The following SLC43A2 variants were observed in gnomAD, a reference collection of about 807,000 sequenced individuals.
SLC43A2 encodes the protein solute carrier family 43 member 2.
Under a neutral mutation model 63.2 loss-of-function variants are expected in SLC43A2, and 38 were observed. The ratio of observed to expected loss-of-function variants is 0.60; its 90% confidence interval spans 0.46 to 0.79. The LOEUF (loss-of-function observed/expected upper bound fraction) is 0.79. Among genes scored for constraint, SLC43A2 ranks in the 30% least tolerant of loss-of-function variants. The probability of loss-of-function intolerance (pLI) is 0.00; values close to 1 mark genes in which losing one functional copy is unlikely to be tolerated. For missense variants in SLC43A2, 644 were observed against 756.2 expected (o/e 0.85, Z 1.74); for synonymous variants, 322 against 331.0 (o/e 0.97, Z 0.30).
At chr17:1,589,095 T>C (rs1245593172) in intron 9 of SLC43A2, among the ~76,000 whole-genome samples, 1 of 152,236 alleles carries the variant, frequency 6.6e-6, no homozygotes, top group Non-Finnish European at 1.5e-5. Context: ...CAGTGCCTCG[T>C]CTGCCACAGA....
chr17:1,600,152 A>ATATATATATTTTTTTTT (rs1216616243), intron 5 of SLC43A2, among the ~76,000 whole-genome samples: 1 of 60,272 alleles, frequency 1.7e-5, no homozygotes, highest in Non-Finnish European at 3.2e-5. Flanking sequence ...ATATATATAT[A>ATATATATATTTTTTTTT]TTTTTTTTTT....
At chr17:1,628,837 GC>G (rs1321016940), upstream of SLC43A2, 2 of 152,492 alleles carry the variant, frequency 1.3e-5, no homozygotes, top group Non-Finnish European at 2.9e-5. Context: ...CGCCTTTTCT[GC>G]CCTCTTTTAT....
Position 1,571,193 on chromosome 17 carries a change from T to C in SLC43A2, c.*4411A>G, listed in dbSNP as rs2075842290. The C allele has an allele frequency of 6.6e-6, 1 of 152,242 alleles. No homozygotes were observed. The highest frequency in any genetic ancestry group is 1.5e-5 in the Non-Finnish European group (1 of 68,056). 9.4% of individuals were successfully genotyped at this position (152,242 alleles called of 1,614,324 possible). On this transcript the variant is annotated 3_prime_UTR_variant, in exon 14 of 14. Coordinates refer to ENST00000301335, the MANE Select transcript of SLC43A2 (RefSeq NM_152346.3). The surrounding 1 kb of genome is among the most constrained non-coding windows in gnomAD (Gnocchi z 5.2). ...CAGGAGCTCTGTCCTCACCCAGGGA[T>C]TGGGGTGAGTCAGGGCATGGGGAAA...
chr17:1,579,149 AATAAT>A (rs1567608160), intron 11 of SLC43A2, among the ~76,000 whole-genome samples: 1 of 138,616 alleles, frequency 7.2e-6, no homozygotes, highest in Non-Finnish European at 1.6e-5. Flanking sequence ...AAAAAAAAAA[AATAAT>A]AATAATAATA....
intron 6 of SLC43A2, among the ~76,000 whole-genome samples, chr17:1,592,825 C>T (rs547482142): frequency 9.2e-5 from 14 of 152,194 alleles, no homozygotes; most frequent in South Asian, 8.3e-4. Context: ...CGGGGAGTAA[C>T]GGTACAATAA....
intron 2 of SLC43A2, among the ~76,000 whole-genome samples, chr17:1,619,806 C>G (rs960387617): frequency 6.6e-6 from 1 of 152,208 alleles, no homozygotes; most frequent in Non-Finnish European, 1.5e-5. Context: ...ACAGAGGTGA[C>G]AGAGAGGATG....
chr17:1,581,995 C>T (rs906200685), intron 11 of SLC43A2, among the ~76,000 whole-genome samples: 23 of 151,544 alleles, frequency 1.5e-4, no homozygotes, highest in Admixed American at 4.0e-4. Context: ...TTAGTAGAGA[C>T]GGGGTTTCAC....
In SLC43A2 at chr17:1,597,312, G is replaced by A. The variant is rs150630428; in HGVS notation, c.502-4033C>T. ...AAGATCAGGAGTTCAAGACCAGCCT[G>A]GCGAACATGGTGAAACCCCGTCCCT... On this transcript the variant is annotated intron_variant, in intron 5 of 13. Transcript: ENST00000301335. 4.2e-3 allele frequency among the ~76,000 whole-genome samples: 637 copies of A among 151,016 alleles called. 3 individuals are homozygous for A. Among genetic ancestry groups the A allele is most frequent in the African/African-American group, 0.015 (608 of 41,058 alleles).
chr17:1,599,092 T>C (rs1047248075), intron 5 of SLC43A2, among the ~76,000 whole-genome samples: 10 of 152,180 alleles, frequency 6.6e-5, no homozygotes, highest in African/African-American at 2.2e-4. Context: ...CTCACGCCTG[T>C]AATCGCAACA....
chr17:1,617,864 G>A (rs1340719741), intron 2 of SLC43A2, among the ~76,000 whole-genome samples: 2 of 152,212 alleles, frequency 1.3e-5, no homozygotes, highest in Non-Finnish European at 2.9e-5. Flanking sequence ...AAAGTGCTGT[G>A]GCAGCTGAAG....
intron 5 of SLC43A2, 22 bp downstream of exon 5, chr17:1,613,173 G>C (rs752746100): frequency 6.3e-7 from 1 of 1,594,206 alleles, no homozygotes; most frequent in East Asian, 2.2e-5. Flanking sequence ...GAACTACAGA[G>C]CTTTAAAAAA....
In SLC43A2 at chr17:1,585,932, C is replaced by T. The variant is rs137987228; in HGVS notation, c.1198G>A (p.Glu400Lys). The T allele has an allele frequency of 1.8e-4, 297 of 1,613,598 alleles. No individual in the cohort carries two copies. Among genetic ancestry groups the T allele is most frequent in the Non-Finnish European group, 2.3e-4 (268 of 1,180,020 alleles). The part of the protein sequence containing the change: ...KECEDASEEP[E>K]EKDANQGEKK... ...ACGCACTGGTTGGCGTCTTTCTCCT[C>T]GGGCTCCTCGGAGGCGTCTTCACAC... The change falls in exon 10 of 14, where the codon GAG (glutamate) becomes AAG (lysine). Residue 400 changes from glutamate to lysine, a missense_variant. Coordinates refer to ENST00000301335, the MANE Select transcript of SLC43A2 (RefSeq NM_152346.3).
In SLC43A2 at chr17:1,576,717, G is replaced by A. The variant is rs745745517; in HGVS notation, c.1428C>T (p.Tyr476=). 1 of 1,609,218 alleles carries A rather than the reference G, an allele frequency of 6.2e-7. No individual in the cohort carries two copies. The highest frequency in any genetic ancestry group is 8.5e-7 in the Non-Finnish European group (1 of 1,179,748). Residue 476 remains tyrosine (Y), a synonymous_variant, in exon 13 of 14, where the codon TAC becomes TAT. Transcript: ENST00000301335. ...SAVGGLYAAV[Y]PSTQFGSLTG... The stretch of plus-strand genomic sequence containing the variant: ...TGAGGCTGCCGAACTGGGTGGAGGG[G>A]TACCTGCAGGGCAAGCGACAGCTCA...
intron 2 of SLC43A2, among the ~76,000 whole-genome samples, chr17:1,623,865 C>T (rs1463668100): frequency 6.6e-6 from 1 of 150,814 alleles, no homozygotes; most frequent in Non-Finnish European, 1.5e-5. Context: ...CCAGGGTGTA[C>T]CCTCCTCTCC....
chr17:1,629,108 C>T (rs1908964725), upstream of SLC43A2, among the ~76,000 whole-genome samples: 1 of 152,182 alleles, frequency 6.6e-6, no homozygotes, highest in Non-Finnish European at 1.5e-5. Context: ...GACATCGCCC[C>T]GCGGCCTCTC....
In SLC43A2 at chr17:1,604,537, C is replaced by T. The variant is rs1226755411; in HGVS notation, c.501+8658G>A. On this transcript the variant is annotated intron_variant, in intron 5 of 13. Coordinates refer to ENST00000301335, the MANE Select transcript of SLC43A2 (RefSeq NM_152346.3). ...GGGGTCCCTCACCCCCCGGAGGTCACCACACTGATGCTGAACTTAGTGTAG... is the reference window on the plus strand; with the variant it reads ...GGGGTCCCTCACCCCCCGGAGGTCATCACACTGATGCTGAACTTAGTGTAG... 7.9e-6 allele frequency: 5 copies of T among 632,402 alleles called. No homozygotes were observed. The Admixed American group carries it at 1.5e-4, about 19-fold the overall frequency. The allele number at this position is 632,402 out of a possible 1,614,324, so 39.2% of individuals were successfully genotyped here.
intron 10 of SLC43A2, among the ~76,000 whole-genome samples, chr17:1,584,661 A>AT (rs1318945006): frequency 2.4e-4 from 6 of 25,212 alleles, no homozygotes; most frequent in Non-Finnish European, 1.4e-3. Flanking sequence ...AAAAATATAT[A>AT]TTAAAAAAAT....
Position 1,593,087 on chromosome 17 carries a change from G to A in SLC43A2, c.594+100C>T. ...GCCCGGGTGGGGGTGGTGGAGAGGG[G>A]CCACCCCGGGTGCCCACAATTGCCT... is the stretch of plus-strand genomic sequence containing the variant. On this transcript the variant is annotated intron_variant, in intron 6 of 13. Coordinates refer to ENST00000301335, the MANE Select transcript of SLC43A2 (RefSeq NM_152346.3). This position sits in a 1 kb window ranked among gnomAD's most constrained non-coding sequence, Gnocchi z 5.3. 9 of 1,167,780 alleles carry A rather than the reference G, an allele frequency of 7.7e-6. No individual in the cohort carries two copies. Among genetic ancestry groups the A allele is most frequent in the Non-Finnish European group, 3.7e-6 (3 of 802,550 alleles). The allele number at this position is 1,167,780 out of a possible 1,614,324, so 72.3% of individuals were successfully genotyped here.
At chr17:1,604,428 C>T in intron 5 of SLC43A2, 1 of 351,950 alleles carries the variant, frequency 2.8e-6, no homozygotes, top group South Asian at 5.2e-5. Flanking sequence ...TATTCACAGG[C>T]ATGATCCCTC....
Sources: allele counts gnomAD v4.1 joint callset (sites outside exome capture counted in the v4.1 genomes callset), GRCh38; gene constraint gnomAD v4.1.1; non-coding constraint Gnocchi (gnomAD v3.1); transcripts MANE v1.5; gene names NCBI Gene and HGNC (gene_info 2026-07-23, HGNC 2026-07-21).